PIP4K2A: variants seen among roughly 807,000 people sequenced by gnomAD.
The protein encoded by PIP4K2A is phosphatidylinositol-5-phosphate 4-kinase type 2 alpha.
Under a neutral mutation model 42.9 loss-of-function variants are expected in PIP4K2A, and 14 were observed. The ratio of observed to expected loss-of-function variants is 0.33; its 90% CI spans 0.22 to 0.51. The LOEUF is 0.51. Among genes scored for constraint, PIP4K2A ranks in the 20% least tolerant of loss-of-function variants. The probability of loss-of-function intolerance (pLI) is 0.97; values close to 1 mark genes in which losing one functional copy is unlikely to be tolerated. For missense variants in PIP4K2A, 434 were observed against 519.8 expected (o/e 0.83, Z 1.61); for synonymous variants, 192 against 192.2 (o/e 1.00, Z 0.01).
intron 1 of PIP4K2A, among the ~76,000 whole-genome samples, chr10:22,673,883 T>C (rs1839504224): frequency 6.6e-6 from 1 of 152,210 alleles, no homozygotes; most frequent in Admixed American, 6.5e-5. Flanking sequence ...CTATGGTTAA[T>C]TATACGGTCC....
chr10:22,681,401 C>T lies in PIP4K2A; in HGVS notation c.144+32782G>A, dbSNP rs552953812. ...CAAGACCTGGCTTCTCAGCCAGACA[C>T]AGTGGCTCATGCCTGTAATCCCATC... On this transcript the variant is annotated intron_variant, in intron 1 of 9. Transcript: ENST00000376573. Among the ~76,000 whole-genome samples the T allele has an allele frequency of 1.5e-3, 223 of 152,354 alleles. 2 individuals carry two copies. The highest frequency in any genetic ancestry group is 5.2e-3 in the African/African-American group (217 of 41,580).
chr10:22,578,594 G>A (rs1325034906), intron 4 of PIP4K2A, among the ~76,000 whole-genome samples: 1 of 151,172 alleles, frequency 6.6e-6, no homozygotes, highest in African/African-American at 2.4e-5. Flanking sequence ...TGACCTAGAT[G>A]TCCTCTCATC....
At chr10:22,631,938 A>G (rs1838558551) in intron 1 of PIP4K2A, among the ~76,000 whole-genome samples, 1 of 152,216 alleles carries the variant, frequency 6.6e-6, no homozygotes, top group East Asian at 1.9e-4. Context: ...AGCTTCAGTG[A>G]TGAGATCAGT....
chr10:22,664,104 CATAT>C (rs368261224), intron 1 of PIP4K2A, among the ~76,000 whole-genome samples: 2 of 50,374 alleles, frequency 4.0e-5, no homozygotes, highest in Non-Finnish European at 6.4e-5. Flanking sequence ...TATATATATA[CATAT>C]ATATATACAT....
Position 22,664,178 on chromosome 10 carries a change from T to C in PIP4K2A, c.144+50005A>G, listed in dbSNP as rs1227079686. Among the ~76,000 whole-genome samples, 66 of 75,912 alleles carry C rather than the reference T, an allele frequency of 8.7e-4. 3 individuals carry two copies. Among genetic ancestry groups the C allele is most frequent in the African/African-American group, 4.1e-3 (41 of 9,936 alleles). 49.8% of individuals were successfully genotyped at this position (75,912 alleles called of 152,430 possible). A position where few individuals can be genotyped will look rare whatever the true frequency, so the allele number is the denominator to read the frequency against. ...ACATATATATATATACATATATATA[T>C]ATACATATATATACATATATATATA... On this transcript the variant is annotated intron_variant, in intron 1 of 9. Transcript: ENST00000376573.
chr10:22,648,449 T>C (rs1838929209), intron 1 of PIP4K2A, among the ~76,000 whole-genome samples: 1 of 152,262 alleles, frequency 6.6e-6, no homozygotes, highest in Admixed American at 6.5e-5. Context: ...TTCATTATTA[T>C]TCTTCAATTT....
At chr10:22,575,550 T>TC (rs976099489) in intron 4 of PIP4K2A, among the ~76,000 whole-genome samples, 1 of 151,950 alleles carries the variant, frequency 6.6e-6, no homozygotes, top group Admixed American at 6.6e-5. Context: ...TGACTAGTTG[T>TC]CCCCCCTTAG....
At chr10:22,580,889 C>A (rs560821626) in intron 4 of PIP4K2A, among the ~76,000 whole-genome samples, 2 of 152,322 alleles carry the variant, frequency 1.3e-5, no homozygotes, top group African/African-American at 4.8e-5. Flanking sequence ...ACAGACTCGA[C>A]AGGTGCAGTG....
chr10:22,537,301 G>T lies in PIP4K2A; in HGVS notation c.1141-20C>A, dbSNP rs749702772. On this transcript the variant is annotated intron_variant, in intron 9 of 9. Coordinates refer to ENST00000376573, the MANE Select transcript of PIP4K2A (RefSeq NM_005028.5). ...GCCAGCCTGGGCAGTTTTTAAAAAAGGAAATATTGACATAGTGTTTATGAT... is the reference window on the plus strand; with the variant it reads ...GCCAGCCTGGGCAGTTTTTAAAAAATGAAATATTGACATAGTGTTTATGAT... The T allele has an allele frequency of 3.8e-6, 6 of 1,559,286 alleles. No homozygotes were observed. The South Asian group carries it at 7.0e-5, about 18-fold the overall frequency.
chr10:22,711,199 G>A (rs1186773837), intron 1 of PIP4K2A, among the ~76,000 whole-genome samples: 2 of 152,184 alleles, frequency 1.3e-5, no homozygotes, highest in Non-Finnish European at 2.9e-5. Context: ...TCCCGACTAT[G>A]ACCATTGCCC....
At chr10:22,583,975 G>A (rs1291425186) in intron 4 of PIP4K2A, among the ~76,000 whole-genome samples, 1 of 152,262 alleles carries the variant, frequency 6.6e-6, no homozygotes, top group Non-Finnish European at 1.5e-5. Flanking sequence ...GACTGGGCCA[G>A]CATGGCAGTC....
At chr10:22,555,767 A>G (rs1836522706) in intron 6 of PIP4K2A, among the ~76,000 whole-genome samples, 1 of 152,150 alleles carries the variant, frequency 6.6e-6, no homozygotes, top group Non-Finnish European at 1.5e-5. Flanking sequence ...ATTAAAAAAA[A>G]AAAACAATTT....
At position 22,536,352 on chromosome 10, in the gene PIP4K2A, C is replaced by CAAT. The variant is rs1445212260; in HGVS notation, c.*846_*848dup. The CAAT allele has an allele frequency of 3.3e-6, 1 of 305,452 alleles. No individual in the cohort carries two copies. Among genetic ancestry groups the CAAT allele is most frequent in the Non-Finnish European group, 5.5e-6 (1 of 182,762 alleles). The allele number at this position is 305,452 out of a possible 1,614,324, so 18.9% of individuals were successfully genotyped here. A position where few individuals can be genotyped will look rare whatever the true frequency, so the allele number is the denominator to read the frequency against. On this transcript the variant is annotated 3_prime_UTR_variant, in exon 10 of 10. Transcript: ENST00000376573. Reference sequence around the variant, plus strand: ...TCCTATATTGCAACGTAAGGGTGAACAATGAAGGCTCCAGGCAAGAAAAGA... The same window carrying CAAT: ...TCCTATATTGCAACGTAAGGGTGAACAATAATGAAGGCTCCAGGCAAGAAAAGA...
In PIP4K2A at chr10:22,544,888, G is replaced by A. The variant is rs117163441; in HGVS notation, c.793-2841C>T. On this transcript the variant is annotated intron_variant, in intron 7 of 9. Coordinates refer to ENST00000376573, the MANE Select transcript of PIP4K2A (RefSeq NM_005028.5). ...CTGTGCCTTCAGGTCTCAGCTGCGG[G>A]GCACTGCACAGGGCAGCACAGCCCC... Among the ~76,000 whole-genome samples the A allele has an allele frequency of 2.8e-4, 43 of 152,290 alleles. No homozygotes were observed. In the East Asian group the frequency reaches 3.7e-3, roughly 13 times the overall value.
At chr10:22,558,175 A>C (rs1836599150) in intron 6 of PIP4K2A, among the ~76,000 whole-genome samples, 1 of 152,182 alleles carries the variant, frequency 6.6e-6, no homozygotes, top group African/African-American at 2.4e-5. Flanking sequence ...AATACGTAGT[A>C]ATTATTGTTT....
intron 1 of PIP4K2A, among the ~76,000 whole-genome samples, chr10:22,664,104 C>CGTATATATATACAT (rs773759044): frequency 7.9e-5 from 4 of 50,368 alleles, no homozygotes; most frequent in South Asian, 4.5e-4. Context: ...TATATATATA[C>CGTATATATATACAT]ATATATATAT....
intron 1 of PIP4K2A, among the ~76,000 whole-genome samples, chr10:22,630,552 T>C (rs747516920): frequency 9.7e-4 from 148 of 152,240 alleles, no homozygotes; most frequent in Non-Finnish European, 1.6e-3. Flanking sequence ...CGAAAACTGC[T>C]TTCCCTTGTA....
chr10:22,697,264 T>C (rs1839991031), intron 1 of PIP4K2A, among the ~76,000 whole-genome samples: 1 of 152,214 alleles, frequency 6.6e-6, no homozygotes, highest in Admixed American at 6.5e-5. Context: ...AGCTCTGAGC[T>C]TCCACACCTG....
chr10:22,637,478 C>T (rs761646302), intron 1 of PIP4K2A, among the ~76,000 whole-genome samples: 6 of 152,176 alleles, frequency 3.9e-5, no homozygotes, highest in Non-Finnish European at 7.3e-5. Flanking sequence ...ACTATGGAAA[C>T]CTGCCCAAAC....
Sources: gnomAD v4.1 joint callset for allele counts (sites outside exome capture counted in the v4.1 genomes callset) on GRCh38, gnomAD v4.1.1 for gene constraint, MANE v1.5 for transcripts, NCBI Gene and HGNC (gene_info 2026-07-23, HGNC 2026-07-21) for gene names.